SOX5: variants seen among roughly 807,000 people sequenced by gnomAD.
SOX5 encodes the protein SRY-box transcription factor 5, also known as transcription factor SOX-5.
A neutral mutation model predicts 92.0 loss-of-function variants in SOX5; 9 were observed. The observed-to-expected ratio is 0.10, with a 90% CI of 0.06 to 0.17. The LOEUF (loss-of-function observed/expected upper bound fraction) is 0.17, where lower values mean the gene tolerates loss of function less well. Ranked by LOEUF, SOX5 falls within the 10% of genes least tolerant of loss-of-function variation. The probability of loss-of-function intolerance (pLI) is 1.00; values close to 1 mark genes in which losing one functional copy is unlikely to be tolerated. For missense variants in SOX5, 642 were observed against 944.5 expected, an observed-to-expected ratio of 0.68 and a Z score of 4.20; for synonymous variants, 344 against 336.3, an observed-to-expected ratio of 1.02 and a Z score of -0.25.
chr12:23,663,470 G>A (rs1173867506), intron 7 of SOX5, among the ~76,000 whole-genome samples: 1 of 152,068 alleles, frequency 6.6e-6, no homozygotes, highest in Non-Finnish European at 1.5e-5. Flanking sequence ...TTATGCTATT[G>A]TTCATACTAA....
chr12:24,464,962 T>C (rs979008551), intron 1 of SOX5, among the ~76,000 whole-genome samples: 1 of 152,232 alleles, frequency 6.6e-6, no homozygotes, highest in African/African-American at 2.4e-5. Flanking sequence ...CCAGGATAGC[T>C]GCAGAAGCAG....
intron 1 of SOX5, among the ~76,000 whole-genome samples, chr12:24,539,371 T>C (rs542435949): frequency 6.6e-6 from 1 of 152,152 alleles, no homozygotes; most frequent in South Asian, 2.1e-4. Flanking sequence ...ATAAATCACA[T>C]ATCATGTTAA....
chr12:24,524,354 T>G (rs1950512010), intron 1 of SOX5, among the ~76,000 whole-genome samples: 1 of 151,314 alleles, frequency 6.6e-6, no homozygotes, highest in Non-Finnish European at 1.5e-5. Flanking sequence ...TATCTATCTA[T>G]CTATCTATCT....
At chr12:24,182,244 T>C (rs1390303738) in intron 4 of SOX5, among the ~76,000 whole-genome samples, 6 of 152,206 alleles carry the variant, frequency 3.9e-5, no homozygotes, top group Admixed American at 2.6e-4. Flanking sequence ...GGATACAGTA[T>C]AGAATTTAAA....
At chr12:24,456,931 A>G (rs1258809634) in intron 1 of SOX5, among the ~76,000 whole-genome samples, 1 of 152,198 alleles carries the variant, frequency 6.6e-6, no homozygotes. Context: ...TAAACCTAAA[A>G]CACATTCTTA....
At chr12:23,894,182 A>C (rs1290750965) in intron 2 of SOX5, among the ~76,000 whole-genome samples, 1 of 152,076 alleles carries the variant, frequency 6.6e-6, no homozygotes, top group Non-Finnish European at 1.5e-5. Flanking sequence ...TGCTATCAAC[A>C]CCACTTCTAT....
intron 2 of SOX5, among the ~76,000 whole-genome samples, chr12:24,352,767 G>C (rs1595857886): frequency 6.6e-6 from 1 of 152,100 alleles, no homozygotes; most frequent in East Asian, 1.9e-4. Flanking sequence ...ACAAATGGGT[G>C]CCTTCCCTCT....
At chr12:24,560,721 T>C (rs1488049638) in intron 1 of SOX5, among the ~76,000 whole-genome samples, 4 of 152,216 alleles carry the variant, frequency 2.6e-5, no homozygotes, top group African/African-American at 9.6e-5. Context: ...TTAAATGCTA[T>C]AAAAGTCAAA....
intron 1 of SOX5, among the ~76,000 whole-genome samples, chr12:24,422,610 T>C (rs1049855087): frequency 1.3e-5 from 2 of 152,256 alleles, no homozygotes; most frequent in Middle Eastern, 3.2e-3. Flanking sequence ...GTGGGAATTC[T>C]GCATGTTTCC....
In SOX5 at chr12:23,604,396, G is replaced by A. The variant is rs1333264484; in HGVS notation, c.1155C>T (p.Pro385=). 6.2e-7 allele frequency: 1 copy of A among 1,613,540 alleles called. No homozygotes were observed. The highest frequency in any genetic ancestry group is 1.1e-5 in the South Asian group (1 of 91,062). Residue 385 remains proline (P), a synonymous_variant, in exon 9 of 15, where the codon CCC becomes CCT. Transcript: ENST00000451604. ...TTCTTCAAAAGGGTACCTTGCTTTT[G>A]GGTGGTGGGCTGTTTGTGCTCTTGT... ...HTDKSTNSPP[P]KSKDEVAQPL...
chr12:23,539,024 G>A (rs1036917105), intron 13 of SOX5, among the ~76,000 whole-genome samples: 3 of 151,576 alleles, frequency 2.0e-5, no homozygotes, highest in South Asian at 4.2e-4. Flanking sequence ...CCAGGATGGT[G>A]TCAATCTCCT....
chr12:24,212,622 G>A, intron 4 of SOX5: 2 of 381,170 alleles, frequency 5.2e-6, no homozygotes, highest in Non-Finnish European at 1.0e-5. Flanking sequence ...CCTGGACCCA[G>A]GAATGAACAC....
At chr12:24,469,988 T>G (rs959297634) in intron 1 of SOX5, among the ~76,000 whole-genome samples, 21 of 152,150 alleles carry the variant, frequency 1.4e-4, no homozygotes, top group Admixed American at 1.3e-3. Flanking sequence ...GAAAGACCAG[T>G]GTCATATCAA....
At chr12:24,534,954 C>G (rs1597702060) in intron 1 of SOX5, among the ~76,000 whole-genome samples, 1 of 152,220 alleles carries the variant, frequency 6.6e-6, no homozygotes, top group African/African-American at 2.4e-5. Flanking sequence ...GAAGTGAGAA[C>G]TGGAGTTAAA....
At chr12:23,540,367 A>C (rs1430640259) in intron 13 of SOX5, among the ~76,000 whole-genome samples, 1 of 70,576 alleles carries the variant, frequency 1.4e-5, no homozygotes, top group Non-Finnish European at 2.5e-5. Flanking sequence ...AAAGTATAAT[A>C]ATAATAATAA....
At chr12:24,343,301 A>G (rs997219603) in intron 2 of SOX5, among the ~76,000 whole-genome samples, 2 of 152,126 alleles carry the variant, frequency 1.3e-5, no homozygotes, top group Non-Finnish European at 2.9e-5. Flanking sequence ...GATCCATGTC[A>G]TGGAAACAAA....
intron 10 of SOX5, among the ~76,000 whole-genome samples, chr12:23,573,999 T>C (rs1948754482): frequency 6.6e-6 from 1 of 151,578 alleles, no homozygotes; most frequent in African/African-American, 2.4e-5. Context: ...ATATTAGTTA[T>C]CTATATTATA....
At chr12:23,731,003 T>C (rs1297663560) in intron 6 of SOX5, among the ~76,000 whole-genome samples, 3 of 152,142 alleles carry the variant, frequency 2.0e-5, no homozygotes, top group East Asian at 3.9e-4. Flanking sequence ...ACCCTCTCAA[T>C]GTGGGCAGGC....
chr12:23,708,477 C>A (rs1440215771), intron 6 of SOX5, among the ~76,000 whole-genome samples: 1 of 152,080 alleles, frequency 6.6e-6, no homozygotes, highest in East Asian at 1.9e-4. Context: ...CAGTGACAGG[C>A]AAAAACCAAA....
Sources: gnomAD v4.1 joint callset for allele counts (sites outside exome capture counted in the v4.1 genomes callset) on GRCh38, gnomAD v4.1.1 for gene constraint, MANE v1.5 for transcripts, NCBI Gene and HGNC (gene_info 2026-07-23, HGNC 2026-07-21) for gene names.